RFX7: variants seen among roughly 807,000 people sequenced by gnomAD.
RFX7 encodes the protein regulatory factor X7.
A neutral mutation model predicts 111.8 loss-of-function variants in RFX7; 26 were observed. The ratio of observed to expected loss-of-function variants is 0.23; its 90% CI spans 0.17 to 0.32. The LOEUF is 0.32. Ranked by LOEUF, RFX7 falls within the 10% of genes least tolerant of loss-of-function variation. The probability of loss-of-function intolerance (pLI) is 1.00; values close to 1 mark genes in which losing one functional copy is unlikely to be tolerated. For missense variants in RFX7, 1,573 were observed against 1,772.9 expected (o/e 0.89, Z 2.02); for synonymous variants, 624 against 624.4 (o/e 1.00, Z 0.01).
In RFX7 at chr15:56,091,948, A is replaced by G. The variant is rs1417170499; in HGVS notation, c.*1397T>C. The G allele has an allele frequency of 6.6e-6, 1 of 152,292 alleles. No homozygotes were observed. The highest frequency in any genetic ancestry group is 1.5e-5 in the Non-Finnish European group (1 of 67,968). 9.4% of individuals were successfully genotyped at this position (152,292 alleles called of 1,614,324 possible). On this transcript the variant is annotated 3_prime_UTR_variant, in exon 10 of 10. Transcript: ENST00000559447. ...TAGCTAGGTTCAAGGTAGCATAGCA[A>G]ATGGTTTTATGTTAGCTTTAAAAAC...
intron 2 of RFX7, among the ~76,000 whole-genome samples, chr15:56,241,308 G>C (rs1361845324): frequency 3.3e-5 from 5 of 151,976 alleles, no homozygotes; most frequent in African/African-American, 1.2e-4. Flanking sequence ...CACATTATTT[G>C]CCAAAAAGTG....
At chr15:56,220,935 A>T (rs921190508) in intron 2 of RFX7, among the ~76,000 whole-genome samples, 2 of 152,196 alleles carry the variant, frequency 1.3e-5, no homozygotes, top group East Asian at 3.8e-4. Flanking sequence ...TTGAATAGGG[A>T]GTCCTTTTCC....
intron 5 of RFX7, among the ~76,000 whole-genome samples, chr15:56,135,528 T>A (rs1220250067): frequency 6.6e-6 from 1 of 151,724 alleles, no homozygotes; most frequent in Non-Finnish European, 1.5e-5. Context: ...CTTTGTCAGA[T>A]GAGTAGGTTG....
At chr15:56,242,579 G>T (rs2043710631) in intron 2 of RFX7, among the ~76,000 whole-genome samples, 1 of 151,988 alleles carries the variant, frequency 6.6e-6, no homozygotes, top group African/African-American at 2.4e-5. Flanking sequence ...TCAATGCAAA[G>T]AATAAACTCC....
chr15:56,191,776 C>T (rs896677667), intron 2 of RFX7, among the ~76,000 whole-genome samples: 3 of 152,244 alleles, frequency 2.0e-5, no homozygotes, highest in Admixed American at 1.3e-4. Flanking sequence ...AAACCAAGCA[C>T]ATGGAAAGCC....
chr15:56,208,696 A>G, intron 2 of RFX7, among the ~76,000 whole-genome samples: 1 of 152,170 alleles, frequency 6.6e-6, no homozygotes, highest in East Asian at 1.9e-4. Flanking sequence ...GGCAATATAA[A>G]TAAATAGAAA....
At chr15:56,241,973 A>C (rs2141249724) in intron 2 of RFX7, among the ~76,000 whole-genome samples, 1 of 152,332 alleles carries the variant, frequency 6.6e-6, no homozygotes, top group African/African-American at 2.4e-5. Flanking sequence ...CTATATAACT[A>C]ACCTAAATCT....
intron 5 of RFX7, among the ~76,000 whole-genome samples, chr15:56,105,498 T>C (rs1170642283): frequency 2.0e-5 from 3 of 152,096 alleles, no homozygotes; most frequent in Admixed American, 6.6e-5. Flanking sequence ...AGAAGAAACA[T>C]TGCCCCCCTC....
intron 2 of RFX7, among the ~76,000 whole-genome samples, chr15:56,240,027 C>T (rs1596031798): frequency 8.2e-6 from 1 of 122,290 alleles, no homozygotes; most frequent in Non-Finnish European, 1.7e-5. Flanking sequence ...AAGAGGGGTA[C>T]AATTTAAGCT....
intron 3 of RFX7, among the ~76,000 whole-genome samples, chr15:56,147,519 C>T (rs1399771356): frequency 6.6e-6 from 1 of 152,054 alleles, no homozygotes. Context: ...AGTTAATGTA[C>T]TAAATATCAC....
At chr15:56,236,229 C>T (rs1280233911) in intron 2 of RFX7, among the ~76,000 whole-genome samples, 2 of 152,006 alleles carry the variant, frequency 1.3e-5, no homozygotes, top group Non-Finnish European at 2.9e-5. Context: ...AAAGTAAATG[C>T]CTATTTACAG....
chr15:56,183,449 T>C (rs2042999226), intron 2 of RFX7, among the ~76,000 whole-genome samples: 1 of 152,188 alleles, frequency 6.6e-6, no homozygotes, highest in African/African-American at 2.4e-5. Flanking sequence ...TTCTTGTATA[T>C]GGTATAGTGT....
intron 3 of RFX7, among the ~76,000 whole-genome samples, chr15:56,173,992 AT>A (rs1389211344): frequency 6.6e-6 from 1 of 152,182 alleles, no homozygotes; most frequent in African/African-American, 2.4e-5. Context: ...AAAAACTTCT[AT>A]AAAAAAGTGG....
chr15:56,196,474 A>T (rs2043146788), intron 2 of RFX7, among the ~76,000 whole-genome samples: 1 of 152,082 alleles, frequency 6.6e-6, no homozygotes, highest in Non-Finnish European at 1.5e-5. Context: ...CTTAATAGGC[A>T]TTAGAAGTTT....
intron 5 of RFX7, among the ~76,000 whole-genome samples, chr15:56,122,590 G>A (rs2042092672): frequency 6.6e-6 from 1 of 152,184 alleles, no homozygotes; most frequent in Non-Finnish European, 1.5e-5. Context: ...AGTTTGTGAA[G>A]CCAGCCAGTC....
chr15:56,136,346 G>T (rs2042302620), intron 5 of RFX7, among the ~76,000 whole-genome samples: 1 of 142,050 alleles, frequency 7.0e-6, no homozygotes, highest in Non-Finnish European at 1.5e-5. Flanking sequence ...CTTGTAAGTT[G>T]GATTCCTAGG....
chr15:56,159,668 TAAAG>T (rs1404003357), intron 3 of RFX7, among the ~76,000 whole-genome samples: 1 of 152,306 alleles, frequency 6.6e-6, no homozygotes, highest in South Asian at 2.1e-4. Flanking sequence ...TCTTCTGTCA[TAAAG>T]AAATACCTGA....
chr15:56,170,357 C>T (rs1404056911), intron 3 of RFX7, among the ~76,000 whole-genome samples: 2 of 152,204 alleles, frequency 1.3e-5, no homozygotes, highest in South Asian at 2.1e-4. Context: ...GTACGTGTTA[C>T]GAACAAAGAA....
chr15:56,088,524 G>T lies in RFX7; in HGVS notation c.*4821C>A, dbSNP rs2041555192. 2.0e-5 allele frequency: 3 copies of T among 152,138 alleles called. No individual in the cohort carries two copies. In the South Asian group the frequency reaches 6.2e-4, roughly 32 times the overall value. 9.4% of individuals were successfully genotyped at this position (152,138 alleles called of 1,614,324 possible). A position where few individuals can be genotyped will look rare whatever the true frequency, so the allele number is the denominator to read the frequency against. On this transcript the variant is annotated 3_prime_UTR_variant, in exon 10 of 10. Coordinates refer to ENST00000559447, the MANE Select transcript of RFX7 (RefSeq NM_022841.7). ...TAAAAATCAAATCTTGAAAAATGTA[G>T]TCTTTTTGTTTTGTTCTTTTTTCTA...
Sources: allele counts gnomAD v4.1 joint callset (sites outside exome capture counted in the v4.1 genomes callset), GRCh38; gene constraint gnomAD v4.1.1; transcripts MANE v1.5; gene names NCBI Gene and HGNC (gene_info 2026-07-23, HGNC 2026-07-21).